CBX2: variants seen among roughly 807,000 people sequenced by gnomAD.
CBX2 encodes chromobox 2.
A neutral mutation model predicts 21.0 loss-of-function variants in CBX2; 11 were observed. The ratio of observed to expected loss-of-function variants is 0.52; its 90% confidence interval spans 0.33 to 0.87. The LOEUF is 0.87. CBX2 is among the 40% of genes least tolerant of loss of function. The pLI is 0.02. For missense variants in CBX2, 746 were observed against 724.3 expected, an observed-to-expected ratio of 1.03 and a Z score of -0.34; for synonymous variants, 364 against 304.6, an observed-to-expected ratio of 1.19 and a Z score of -2.03.
Position 79,784,229 on chromosome 17 carries a change from G to A in CBX2, c.786G>A (p.Arg262=), listed in dbSNP as rs782218051. 2 of 1,612,972 alleles carry A rather than the reference G, an allele frequency of 1.2e-6. No individual in the cohort carries two copies. The highest frequency in any genetic ancestry group is 3.3e-5 in the Admixed American group (2 of 60,034). ...GCTCCATCGTGCACTACATGAACCG[G>A]ATGACCCAGAGCCAGGCCCAGGCTG... is the stretch of plus-strand genomic sequence containing the variant. The part of the protein sequence containing the change: ...WQSSIVHYMN[R]MTQSQAQAAS... The change falls in exon 5 of 5, where the codon CGG becomes CGA. Residue 262 remains arginine, a synonymous_variant. Transcript: ENST00000310942. The surrounding 1 kb of genome is among the most constrained non-coding windows in gnomAD (Gnocchi z 5.9).
At chr17:79,779,573 T>C in intron 3 of CBX2, 146 bp downstream of exon 3, 1 of 707,288 alleles carries the variant, frequency 1.4e-6, no homozygotes, top group South Asian at 1.7e-5. Flanking sequence ...GGGCCATCTC[T>C]GTGGCTGGCT....
Position 79,784,270 on chromosome 17 carries a change from T to C in CBX2, c.827T>C (p.Leu276Pro). Reference protein sequence around the residue: ...SQAQAASRLALKAQATNKCGL... With the variant: ...SQAQAASRLAPKAQATNKCGL... ...GCCCAGGCTGCCAGCAGGTTGGCGC[T>C]GAAGGCCCAGGCCACCAACAAGTGC... The change falls in exon 5 of 5, where the codon CTG becomes CCG. Residue 276 changes from leucine (L) to proline (P), a missense_variant. By Grantham distance (98) the Leu-to-Pro change is moderately conservative (BLOSUM62 -3). Transcript: ENST00000310942. This position sits in a 1 kb window ranked among gnomAD's most constrained non-coding sequence, Gnocchi z 5.9. The C allele has an allele frequency of 6.2e-7, 1 of 1,612,778 alleles. No homozygotes were observed. The highest frequency in any genetic ancestry group is 1.7e-5 in the Admixed American group (1 of 60,016).
At position 79,778,245 on chromosome 17, in the gene CBX2, C is replaced by G. The variant is rs2145819164; in HGVS notation, c.10C>G (p.Leu4Val). 6.7e-7 allele frequency: 1 copy of G among 1,495,550 alleles called. No individual in the cohort carries two copies. Among genetic ancestry groups the G allele is most frequent in the Non-Finnish European group, 8.9e-7 (1 of 1,126,500 alleles). 92.6% of individuals were successfully genotyped at this position (1,495,550 alleles called of 1,614,324 possible). ...CTGGCTGCCGGGCAGCATGGAGGAGCTGAGCAGCGTGGGCGAGCAGGTCTT... is the reference window on the plus strand; with the variant it reads ...CTGGCTGCCGGGCAGCATGGAGGAGGTGAGCAGCGTGGGCGAGCAGGTCTT... MEE[L>V]SSVGEQVFAA... Residue 4 changes from leucine to valine, a missense_variant, in exon 1 of 5, where the codon CTG (leucine) becomes GTG (valine). Transcript: ENST00000310942. The surrounding 1 kb of genome is among the most constrained non-coding windows in gnomAD (Gnocchi z 4.8).
intron 3 of CBX2, 133 bp from the exon 4 acceptor site, chr17:79,781,563 A>T: frequency 2.5e-6 from 2 of 798,314 alleles, no homozygotes; most frequent in Non-Finnish European, 4.4e-6. Context: ...TGGGTATTTG[A>T]TGATGTGTTT....
In CBX2 at chr17:79,784,693, G is replaced by A. The variant is rs781922744; in HGVS notation, c.1250G>A (p.Arg417Lys). The change falls in exon 5 of 5, where the codon AGA (arginine) becomes AAA (lysine). Residue 417 changes from arginine to lysine, a missense_variant. Coordinates refer to ENST00000310942, the MANE Select transcript of CBX2 (RefSeq NM_005189.3). The surrounding 1 kb of genome is among the most constrained non-coding windows in gnomAD (Gnocchi z 5.9). The part of the protein sequence containing the change: ...DTSKSEKLAS[R>K]AVAPPTPASK... ...AGCAAAAGTGAGAAGCTGGCTTCCA[G>A]AGCAGTGGCGCCACCCACCCCTGCC... 6.2e-7 allele frequency: 1 copy of A among 1,611,844 alleles called. No individual in the cohort carries two copies. Among genetic ancestry groups the A allele is most frequent in the Middle Eastern group, 1.7e-4 (1 of 6,054 alleles).
Position 79,783,658 on chromosome 17 carries a change from C to A in CBX2, c.289-74C>A, listed in dbSNP as rs112977645. ...CTCCTGACCTCAGGTGATCCACCCGCTTCGGCCTCCCAAAGTGCTGGGATT... is the reference window on the plus strand; with the variant it reads ...CTCCTGACCTCAGGTGATCCACCCGATTCGGCCTCCCAAAGTGCTGGGATT... On this transcript the variant is annotated intron_variant, in intron 4 of 4. Coordinates refer to ENST00000310942, the MANE Select transcript of CBX2 (RefSeq NM_005189.3). 8.2e-6 allele frequency: 11 copies of A among 1,335,434 alleles called. No individual in the cohort carries two copies. The African/African-American group carries it at 8.7e-5, about 11-fold the overall frequency. The allele number at this position is 1,335,434 out of a possible 1,614,324, so 82.7% of individuals were successfully genotyped here.
chr17:79,783,792 T>C lies in CBX2; in HGVS notation c.349T>C (p.Ser117Pro). Reference protein sequence around the residue: ...SSSSSSSTSSSSSSDEEDDSD... With the variant: ...SSSSSSSTSSPSSSDEEDDSD... ...TTCCTCCTCTTCCTCCACGTCATCCTCCTCTTCCTCAGATGAAGAGGATGA... is the reference window on the plus strand; with the variant it reads ...TTCCTCCTCTTCCTCCACGTCATCCCCCTCTTCCTCAGATGAAGAGGATGA... The change falls in exon 5 of 5, where the codon TCC (serine) becomes CCC (proline). Residue 117 changes from serine to proline, a missense_variant. By Grantham distance (74) the Ser-to-Pro change is moderately conservative. This residue lies in a region of CBX2 where 701 missense variants were observed against 650.7 expected (regional missense o/e 1.08). Coordinates refer to ENST00000310942, the MANE Select transcript of CBX2 (RefSeq NM_005189.3). 1 of 1,579,766 alleles carries C rather than the reference T, an allele frequency of 6.3e-7. No homozygotes were observed. The highest frequency in any genetic ancestry group is 8.6e-7 in the Non-Finnish European group (1 of 1,162,934).
chr17:79,782,215 A>C (rs370780460), intron 4 of CBX2: 1 of 1,604,290 alleles, frequency 6.2e-7, no homozygotes. Flanking sequence ...CTCCGGGCCC[A>C]CCTGCGGGTG....
At chr17:79,783,703 C>T (rs1907402982) in intron 4 of CBX2, 29 bp from the exon 5 acceptor site, 3 of 1,544,948 alleles carry the variant, frequency 1.9e-6, no homozygotes, top group Non-Finnish European at 1.8e-6. Flanking sequence ...AGCCACTGCA[C>T]CCAGCCAACT....
Position 79,785,188 on chromosome 17 carries a change from G to T in CBX2, c.*146G>T. ...GCCTCCTTGATGGGCAGGCTTGGAA[G>T]GGACTTCTCCCGCACCCCACTCTGT... is the stretch of plus-strand genomic sequence containing the variant. On this transcript the variant is annotated 3_prime_UTR_variant, in exon 5 of 5. Transcript: ENST00000310942. 1 of 704,364 alleles carries T rather than the reference G, an allele frequency of 1.4e-6. No individual in the cohort carries two copies. Among genetic ancestry groups the T allele is most frequent in the East Asian group, 2.7e-5 (1 of 37,134 alleles). 43.6% of individuals were successfully genotyped at this position (704,364 alleles called of 1,614,324 possible). A position where few individuals can be genotyped will look rare whatever the true frequency, so the allele number is the denominator to read the frequency against.
Position 79,779,363 on chromosome 17 carries a change from C to G in CBX2, c.118C>G (p.His40Asp), listed in dbSNP as rs782348829. 6.2e-7 allele frequency: 1 copy of G among 1,613,748 alleles called. No individual in the cohort carries two copies. Among genetic ancestry groups the G allele is most frequent in the Non-Finnish European group, 8.5e-7 (1 of 1,179,942 alleles). Residue 40 changes from histidine to aspartate, a missense_variant and splice_region_variant, in exon 3 of 5, where the codon CAT becomes GAT. His to Asp is a moderately conservative substitution (Grantham distance 81). Transcript: ENST00000310942. ...LVKWRGWSSK[H>D]NSWEPEENIL... ...GCTGCCCTGTCCTCTGCTTTGCAGA[C>G]ATAACAGCTGGGAGCCGGAGGAGAA...
rs1476543674 is a variant in CBX2 at position 79,784,196 on chromosome 17, C to T, written c.753C>T (p.Ser251=). The change falls in exon 5 of 5, where the codon AGC becomes AGT. Residue 251 remains serine (S), a synonymous_variant. Transcript: ENST00000310942. This position sits in a 1 kb window ranked among gnomAD's most constrained non-coding sequence, Gnocchi z 5.9. ...GTAGCCCCGGCCGGGGTGGCATCAG[C>T]TGGCAGAGCTCCATCGTGCACTACA... ...MASSPGRGGI[S]WQSSIVHYMN... The T allele has an allele frequency of 6.2e-7, 1 of 1,612,668 alleles. No homozygotes were observed. Among genetic ancestry groups the T allele is most frequent in the Non-Finnish European group, 8.5e-7 (1 of 1,179,946 alleles).
rs201065642 is a variant in CBX2, at chr17:79,784,011, C to T, written c.568C>T (p.Arg190Trp). 9.3e-6 allele frequency: 15 copies of T among 1,613,296 alleles called. No individual in the cohort carries two copies. Among genetic ancestry groups the T allele is most frequent in the East Asian group, 4.5e-5 (2 of 44,872 alleles). ...VSLAKVLKTA[R>W]KDLGAPASKL... ...CCTGGCCAAGGTGCTGAAGACCGCCCGGAAGGATCTGGGGGCCCCGGCCAG... is the reference window on the plus strand; with the variant it reads ...CCTGGCCAAGGTGCTGAAGACCGCCTGGAAGGATCTGGGGGCCCCGGCCAG... Residue 190 changes from arginine to tryptophan, a missense_variant, in exon 5 of 5, where the codon CGG becomes TGG. Arg to Trp is a moderately radical substitution (Grantham distance 101, BLOSUM62 -3). Transcript: ENST00000310942. This position sits in a 1 kb window ranked among gnomAD's most constrained non-coding sequence, Gnocchi z 5.9.
upstream of CBX2, among the ~76,000 whole-genome samples, chr17:79,777,689 G>A (rs1180251831): frequency 2.0e-5 from 3 of 152,112 alleles, no homozygotes; most frequent in Non-Finnish European, 4.4e-5. Flanking sequence ...GCCGGGGGAA[G>A]GGTGGGGCCC....
intron 3 of CBX2, among the ~76,000 whole-genome samples, chr17:79,780,235 T>C (rs1555829934): frequency 6.6e-6 from 1 of 152,182 alleles, no homozygotes; most frequent in Non-Finnish European, 1.5e-5. Context: ...GGCAGAAGAA[T>C]TGGTTGCTGG....
chr17:79,781,796 C>G lies in CBX2; in HGVS notation c.283C>G (p.Leu95Val), dbSNP rs1555830335. 1.2e-6 allele frequency: 2 copies of G among 1,613,990 alleles called. No individual in the cohort carries two copies. Among genetic ancestry groups the G allele is most frequent in the Non-Finnish European group, 1.7e-6 (2 of 1,179,996 alleles). Residue 95 changes from leucine (L) to valine (V), a missense_variant, in exon 4 of 5, where the codon CTC becomes GTC. Physicochemically the swap from Leu to Val is conservative, Grantham distance 32 (BLOSUM62 1). This residue lies in a region of CBX2 where 701 missense variants were observed against 650.7 expected (regional missense o/e 1.08). Transcript: ENST00000310942. ...AMSSCSRRSK[L>V]KEPDAPSKSK... ...GTCCTCCTGCAGCCGGCGCTCCAAGCTCAAGGTGGGTGGCTGCGCTGGGTA... is the reference window on the plus strand; with the variant it reads ...GTCCTCCTGCAGCCGGCGCTCCAAGGTCAAGGTGGGTGGCTGCGCTGGGTA...
chr17:79,786,687 C>T lies in CBX2; in HGVS notation c.*1645C>T, dbSNP rs1164414185. On this transcript the variant is annotated 3_prime_UTR_variant, in exon 5 of 5. Transcript: ENST00000310942. ...TCTGTTCCTCTGATTGGATGGAGTC[C>T]GCCAGCAGGCATGGGGCTACATTCC... The T allele has an allele frequency of 2.0e-5, 3 of 152,676 alleles. No homozygotes were observed. Among genetic ancestry groups the T allele is most frequent in the African/African-American group, 7.2e-5 (3 of 41,432 alleles). The allele number at this position is 152,676 out of a possible 1,614,324, so 9.5% of individuals were successfully genotyped here.
At chr17:79,779,535 C>G in intron 3 of CBX2, 108 bp downstream of exon 3, 2 of 969,656 alleles carry the variant, frequency 2.1e-6, no homozygotes, top group South Asian at 2.7e-5. Flanking sequence ...GGGCTGTGGT[C>G]TGAGGTCCCT....
Position 79,778,462 on chromosome 17 carries a change from CCCCTCG to C in CBX2, c.116+39_116+44del. 1.4e-6 allele frequency: 2 copies of C among 1,430,474 alleles called. No homozygotes were observed. The highest frequency in any genetic ancestry group is 1.9e-6 in the Non-Finnish European group (2 of 1,067,952). The allele number at this position is 1,430,474 out of a possible 1,614,324, so 88.6% of individuals were successfully genotyped here. Reference sequence around the variant, plus strand: ...CCGCGACGCCGCGCCCCCCTCCCGCCCCCTCGCCCGGGGGTGGGGACGTGGAGCCCC... The same window carrying C: ...CCGCGACGCCGCGCCCCCCTCCCGCCCCCGGGGGTGGGGACGTGGAGCCCC... On this transcript the variant is annotated intron_variant, in intron 2 of 4. Coordinates refer to ENST00000310942, the MANE Select transcript of CBX2 (RefSeq NM_005189.3). The surrounding 1 kb of genome is among the most constrained non-coding windows in gnomAD (Gnocchi z 4.8).
Sources: allele counts gnomAD v4.1 joint callset (sites outside exome capture counted in the v4.1 genomes callset), GRCh38; gene constraint gnomAD v4.1.1; regional missense constraint gnomAD v4.1.1; non-coding constraint Gnocchi (gnomAD v3.1); transcripts MANE v1.5; gene names NCBI Gene and HGNC (gene_info 2026-07-23, HGNC 2026-07-21).